PRRC1: variants seen among roughly 807,000 people sequenced by gnomAD.
The protein encoded by PRRC1 is proline rich coiled-coil 1, also known as protein PRRC1.
A neutral mutation model predicts 40.7 loss-of-function variants in PRRC1; 39 were observed. That is an observed-to-expected ratio of 0.96 (90% CI 0.74 to 1.25). The LOEUF (loss-of-function observed/expected upper bound fraction) is 1.25. PRRC1 is among the 50% of genes most tolerant of loss of function. PRRC1 has a pLI of 0.00. For missense variants in PRRC1, 573 were observed against 548.3 expected (o/e 1.05, Z -0.45); for synonymous variants, 175 against 193.3 (o/e 0.91, Z 0.79).
chr5:127,522,767 A>G (rs181578452), intron 1 of PRRC1, among the ~76,000 whole-genome samples: 3 of 151,712 alleles, frequency 2.0e-5, no homozygotes, highest in African/African-American at 7.3e-5. Context: ...TCAAAAATAC[A>G]TTAAATATTT....
intron 6 of PRRC1, among the ~76,000 whole-genome samples, chr5:127,537,649 A>G (rs1177488241): frequency 1.3e-5 from 2 of 151,964 alleles, no homozygotes; most frequent in Non-Finnish European, 2.9e-5. Flanking sequence ...AAATCTAGGA[A>G]TATTTTGTTG....
intron 7 of PRRC1, among the ~76,000 whole-genome samples, chr5:127,541,420 T>G (rs1768041950): frequency 6.6e-6 from 1 of 152,120 alleles, no homozygotes; most frequent in South Asian, 2.1e-4. Context: ...CCTCTTTTTC[T>G]ATTGATTGGA....
intron 7 of PRRC1, among the ~76,000 whole-genome samples, chr5:127,546,680 T>G (rs997286556): frequency 2.6e-5 from 4 of 152,200 alleles, no homozygotes; most frequent in Admixed American, 6.5e-5. Flanking sequence ...ATACCTTCAG[T>G]AACACTTTTT....
At chr5:127,519,767 T>A (rs1767411191) in intron 1 of PRRC1, among the ~76,000 whole-genome samples, 1 of 152,232 alleles carries the variant, frequency 6.6e-6, no homozygotes, top group African/African-American at 2.4e-5. Context: ...ATTTATGTGG[T>A]TGCTAAGCTC....
chr5:127,546,972 TTA>T (rs1442843701), intron 7 of PRRC1, among the ~76,000 whole-genome samples: 1 of 152,140 alleles, frequency 6.6e-6, no homozygotes, highest in Non-Finnish European at 1.5e-5. Context: ...GCAAAGTTAT[TTA>T]TGTTACTGTA....
intron 5 of PRRC1, among the ~76,000 whole-genome samples, chr5:127,532,025 T>G (rs1300976752): frequency 6.6e-6 from 1 of 152,062 alleles, no homozygotes; most frequent in Non-Finnish European, 1.5e-5. Context: ...AAATCGAATT[T>G]AAGAAAGCTG....
At chr5:127,539,167 G>A in intron 7 of PRRC1, 24 bp downstream of exon 7, 1 of 1,577,834 alleles carries the variant, frequency 6.3e-7, no homozygotes, top group Non-Finnish European at 8.7e-7. Flanking sequence ...GTTTCTCTTG[G>A]AAGCAAAATA....
intron 5 of PRRC1, among the ~76,000 whole-genome samples, chr5:127,533,418 G>A (rs1767823908): frequency 6.6e-6 from 1 of 152,042 alleles, no homozygotes; most frequent in African/African-American, 2.4e-5. Context: ...CCTGACATTA[G>A]TGCTAAGTAG....
chr5:127,531,781 C>T (rs574589718), intron 5 of PRRC1, among the ~76,000 whole-genome samples: 133 of 151,810 alleles, frequency 8.8e-4, no homozygotes, highest in African/African-American at 2.7e-3. Context: ...TGCCACCACG[C>T]CCAGCTAATT....
At position 127,539,077 on chromosome 5, in the gene PRRC1, G is replaced by A; in HGVS notation, c.959G>A (p.Gly320Glu). ...QERIDSLRRT[G>E]VIHEKQTAVS... ...CGGATAGATAGCTTGCGTCGAACTG[G>A]GGTGATCCATGAAAAACAGACAGCT... is the stretch of plus-strand genomic sequence containing the variant. Residue 320 changes from glycine to glutamate, a missense_variant, in exon 7 of 9, where the codon GGG becomes GAG. Physicochemically the swap from Gly to Glu is moderately conservative, Grantham distance 98. Transcript: ENST00000296666. The A allele has an allele frequency of 6.2e-7, 1 of 1,612,916 alleles. No homozygotes were observed. The highest frequency in any genetic ancestry group is 8.5e-7 in the Non-Finnish European group (1 of 1,179,052).
chr5:127,544,710 C>A (rs185412691), intron 7 of PRRC1, among the ~76,000 whole-genome samples: 2 of 152,178 alleles, frequency 1.3e-5, no homozygotes, highest in South Asian at 4.1e-4. Context: ...TCTCCTGGTG[C>A]GCTGTTTTTT....
intron 3 of PRRC1, among the ~76,000 whole-genome samples, chr5:127,526,008 T>C (rs1767604622): frequency 6.6e-6 from 1 of 152,182 alleles, no homozygotes; most frequent in African/African-American, 2.4e-5. Context: ...TTTCCCTAGG[T>C]CAGTTAAATC....
intron 5 of PRRC1, among the ~76,000 whole-genome samples, chr5:127,531,593 C>T (rs879351186): frequency 6.8e-6 from 1 of 147,534 alleles, no homozygotes; most frequent in Non-Finnish European, 1.5e-5. Context: ...CTATGAGGTG[C>T]CAGGTGTTTT....
At chr5:127,550,318 TTC>T (rs1306425286) in intron 8 of PRRC1, 2 of 152,216 alleles carry the variant, frequency 1.3e-5, no homozygotes, top group Non-Finnish European at 2.9e-5. Context: ...TCCTCCCTGT[TTC>T]TTTTTATTCA....
intron 8 of PRRC1, chr5:127,548,742 C>T (rs1471107934): frequency 6.6e-6 from 1 of 152,094 alleles, no homozygotes; most frequent in Non-Finnish European, 1.5e-5. Flanking sequence ...AGAACTTTGG[C>T]ATATGTGTTC....
chr5:127,531,224 A>G (rs2127098629), intron 5 of PRRC1, among the ~76,000 whole-genome samples: 2 of 152,278 alleles, frequency 1.3e-5, no homozygotes, highest in South Asian at 4.1e-4. Context: ...CAAGGTAGGT[A>G]TTTTCCTCAA....
intron 7 of PRRC1, among the ~76,000 whole-genome samples, chr5:127,544,853 C>T (rs1413348410): frequency 2.6e-5 from 4 of 152,216 alleles, no homozygotes; most frequent in African/African-American, 9.6e-5. Flanking sequence ...AATGCCTCAC[C>T]CTGCTTCGGC....
intron 8 of PRRC1, chr5:127,548,861 ATTTCT>A (rs1199786473): frequency 5.3e-5 from 8 of 152,112 alleles, no homozygotes; most frequent in Admixed American, 4.6e-4. Flanking sequence ...TTATACCGTA[ATTTCT>A]TTTCATAAGT....
At chr5:127,547,979 C>T (rs750852099) in intron 8 of PRRC1, 58 bp downstream of exon 8, 140 of 1,117,792 alleles carry the variant, frequency 1.3e-4, no homozygotes, top group Admixed American at 7.1e-4. Context: ...CTATTGTTTT[C>T]AGAATAAAAA....
Sources: allele counts gnomAD v4.1 joint callset (sites outside exome capture counted in the v4.1 genomes callset), GRCh38; gene constraint gnomAD v4.1.1; transcripts MANE v1.5; gene names NCBI Gene and HGNC (gene_info 2026-07-23, HGNC 2026-07-21).